Variants in ELOVL6 observed in about 807,000 individuals in gnomAD.
The protein encoded by ELOVL6 is ELOVL fatty acid elongase 6.
ELOVL6 carries 8 observed loss-of-function variants against 31.7 expected under a neutral mutation model. That is an observed-to-expected ratio of 0.25 (90% CI 0.15 to 0.45). The LOEUF (loss-of-function observed/expected upper bound fraction) is 0.45, where lower values mean the gene tolerates loss of function less well. Ranked by LOEUF, ELOVL6 falls within the 20% of genes least tolerant of loss-of-function variation. The pLI is 1.00. For missense variants in ELOVL6, 126 were observed against 326.4 expected, an observed-to-expected ratio of 0.39 and a Z score of 4.73; for synonymous variants, 101 against 117.7, an observed-to-expected ratio of 0.86 and a Z score of 0.92.
chr4:110,114,210 T>A (rs906334913), intron 1 of ELOVL6, among the ~76,000 whole-genome samples: 4 of 152,228 alleles, frequency 2.6e-5, no homozygotes, highest in African/African-American at 9.6e-5. Context: ...TTATCTCCTA[T>A]AGCCTTAAAA....
At chr4:110,197,897 G>GGGGGA (rs1553963904) in intron 1 of ELOVL6, 16 of 301,370 alleles carry the variant, frequency 5.3e-5, no homozygotes, top group African/African-American at 2.2e-5. Context: ...GATGAAAACC[G>GGGGGA]GGGGAGGGGA....
At chr4:110,137,090 AAT>A (rs1757832802) in intron 1 of ELOVL6, among the ~76,000 whole-genome samples, 1 of 152,208 alleles carries the variant, frequency 6.6e-6, no homozygotes, top group South Asian at 2.1e-4. Context: ...TAGGTCAAGA[AAT>A]ATAATAAAAC....
chr4:110,179,050 A>AT (rs1560859649), intron 1 of ELOVL6, among the ~76,000 whole-genome samples: 1 of 152,002 alleles, frequency 6.6e-6, no homozygotes, highest in Non-Finnish European at 1.5e-5. Context: ...AAAAGTATGT[A>AT]TTTTTTTATT....
intron 1 of ELOVL6, among the ~76,000 whole-genome samples, chr4:110,162,454 C>A (rs770925137): frequency 5.9e-5 from 9 of 152,158 alleles, no homozygotes; most frequent in Non-Finnish European, 1.0e-4. Context: ...TCAGGTGATC[C>A]TCCCACCTCA....
chr4:110,100,898 G>A (rs991365684), intron 2 of ELOVL6, among the ~76,000 whole-genome samples: 2 of 152,156 alleles, frequency 1.3e-5, no homozygotes, highest in African/African-American at 4.8e-5. Flanking sequence ...GACAATAGTT[G>A]AAAATGCATG....
At chr4:110,117,654 T>C (rs996280053) in intron 1 of ELOVL6, 3 of 151,038 alleles carry the variant, frequency 2.0e-5, no homozygotes, top group Non-Finnish European at 4.4e-5. Flanking sequence ...GCATTTAAAA[T>C]GGGTGGATCA....
At position 110,109,585 on chromosome 4, in the gene ELOVL6, C is replaced by T. The variant is rs181081295; in HGVS notation, c.90-3957G>A. On this transcript the variant is annotated intron_variant, in intron 1 of 3. Coordinates refer to ENST00000302274, the MANE Select transcript of ELOVL6 (RefSeq NM_024090.3). ...CTAGGACATGCTTTTTTGATTCTTA[C>T]CAGAGTAGCTGAGCAAGTTCTCACT... 2.6e-5 allele frequency among the ~76,000 whole-genome samples: 4 copies of T among 152,198 alleles called. No homozygotes were observed. The East Asian group carries it at 7.7e-4, about 29-fold the overall frequency.
chr4:110,055,811 A>G (rs756650241), intron 3 of ELOVL6, among the ~76,000 whole-genome samples: 9 of 152,244 alleles, frequency 5.9e-5, no homozygotes, highest in Non-Finnish European at 8.8e-5. Flanking sequence ...GGGTTTTAAT[A>G]TAATCCAAAT....
chr4:110,094,857 A>C (rs1439624417), intron 2 of ELOVL6, among the ~76,000 whole-genome samples: 1 of 152,172 alleles, frequency 6.6e-6, no homozygotes, highest in Non-Finnish European at 1.5e-5. Context: ...GTGACTGGAA[A>C]TGATAATCAC....
intron 1 of ELOVL6, among the ~76,000 whole-genome samples, chr4:110,194,401 T>C (rs985450973): frequency 2.0e-5 from 3 of 152,202 alleles, no homozygotes; most frequent in Admixed American, 6.5e-5. Flanking sequence ...ACATGTAGTT[T>C]CAAGATGAGG....
At chr4:110,081,836 T>G (rs372997253) in intron 2 of ELOVL6, among the ~76,000 whole-genome samples, 2 of 147,540 alleles carry the variant, frequency 1.4e-5, no homozygotes, top group Non-Finnish European at 3.0e-5. Flanking sequence ...ATTTTTGCAA[T>G]CTACTCATCT....
rs72679222 is a variant in ELOVL6, at chr4:110,110,095, G to A, written c.90-4467C>T. ...GGTGCACCCCCCTCCTCTTTTAAGA[G>A]TCCTCTTGCAGTTCAGTTGCTGACT... is the stretch of plus-strand genomic sequence containing the variant. On this transcript the variant is annotated intron_variant, in intron 1 of 3. Coordinates refer to ENST00000302274, the MANE Select transcript of ELOVL6 (RefSeq NM_024090.3). Among the ~76,000 whole-genome samples the A allele has an allele frequency of 7.9e-3, 1,206 of 152,280 alleles. 10 individuals are homozygous for A. Among genetic ancestry groups the A allele is most frequent in the Middle Eastern group, 0.017 (5 of 294 alleles).
chr4:110,165,294 C>T (rs10009044), intron 1 of ELOVL6, among the ~76,000 whole-genome samples: 118,160 of 152,074 alleles, frequency 0.78, 45,994 homozygotes, highest in East Asian at 0.82. Flanking sequence ...AGTTAAGTAT[C>T]GACAATTTAC....
chr4:110,084,531 TACAC>T (rs67665852), intron 2 of ELOVL6, among the ~76,000 whole-genome samples: 2,989 of 70,234 alleles, frequency 0.043, 150 homozygotes, highest in African/African-American at 0.082. Context: ...TATATACACT[TACAC>T]ACACACACAC....
intron 1 of ELOVL6, among the ~76,000 whole-genome samples, chr4:110,163,892 G>A (rs1006492581): frequency 1.3e-5 from 2 of 152,194 alleles, no homozygotes; most frequent in Non-Finnish European, 2.9e-5. Context: ...TCCTTATCAG[G>A]TGGGTAAATC....
chr4:110,116,029 G>A (rs1326920791), intron 1 of ELOVL6, among the ~76,000 whole-genome samples: 1 of 152,076 alleles, frequency 6.6e-6, no homozygotes, highest in Non-Finnish European at 1.5e-5. Flanking sequence ...TCCCTGTTAA[G>A]AACCCTGTGA....
intron 1 of ELOVL6, among the ~76,000 whole-genome samples, chr4:110,151,347 T>C (rs1194767789): frequency 6.6e-6 from 1 of 152,120 alleles, no homozygotes; most frequent in African/African-American, 2.4e-5. Context: ...GGTAATTTTA[T>C]ATAATAATTT....
At chr4:110,080,539 C>T (rs577019658) in intron 2 of ELOVL6, among the ~76,000 whole-genome samples, 1 of 152,316 alleles carries the variant, frequency 6.6e-6, no homozygotes, top group South Asian at 2.1e-4. Flanking sequence ...CAAAATTCAA[C>T]AGCGCTTCAT....
chr4:110,101,822 G>A (rs187902336), intron 2 of ELOVL6, among the ~76,000 whole-genome samples: 5 of 152,072 alleles, frequency 3.3e-5, no homozygotes, highest in African/African-American at 1.2e-4. Context: ...CTACAGGTGC[G>A]TGACACCATG....
Sources: gnomAD v4.1 joint callset for allele counts (sites outside exome capture counted in the v4.1 genomes callset) on GRCh38, gnomAD v4.1.1 for gene constraint, MANE v1.5 for transcripts, NCBI Gene and HGNC (gene_info 2026-07-23, HGNC 2026-07-21) for gene names.